GNB1L: variants seen among roughly 807,000 people sequenced by gnomAD.
The protein encoded by GNB1L is G protein subunit beta 1 like, also known as guanine nucleotide-binding protein subunit beta-like protein 1.
Under a neutral mutation model 29.1 loss-of-function variants are expected in GNB1L, and 20 were observed. The observed-to-expected ratio is 0.69, with a 90% CI of 0.48 to 1.00. GNB1L has a LOEUF of 1.00. Among genes scored for constraint, GNB1L ranks in the 50% least tolerant of loss-of-function variants. The pLI is 0.00. For missense variants in GNB1L, 421 were observed against 464.9 expected (o/e 0.91, Z 0.87); for synonymous variants, 193 against 206.5 (o/e 0.93, Z 0.56).
chr22:19,843,074 G>A (rs1220739974), intron 2 of GNB1L, among the ~76,000 whole-genome samples: 2 of 152,164 alleles, frequency 1.3e-5, no homozygotes, highest in Admixed American at 1.3e-4. Flanking sequence ...TTGAAGCCTC[G>A]CTGAGTGATT....
intron 7 of GNB1L, among the ~76,000 whole-genome samples, chr22:19,798,650 A>G (rs1215629670): frequency 1.3e-5 from 2 of 152,048 alleles, no homozygotes; most frequent in African/African-American, 4.8e-5. Context: ...GTGCCTACCC[A>G]CCAGCCAGGC....
intron 2 of GNB1L, among the ~76,000 whole-genome samples, chr22:19,841,769 G>A (rs1290445414): frequency 2.6e-5 from 4 of 152,118 alleles, no homozygotes; most frequent in African/African-American, 4.8e-5. Context: ...GTAGTTATTC[G>A]GTTAAGCAAA....
intron 2 of GNB1L, among the ~76,000 whole-genome samples, chr22:19,833,735 G>A (rs1422233011): frequency 4.6e-5 from 7 of 151,922 alleles, no homozygotes; most frequent in Admixed American, 2.0e-4. Flanking sequence ...GCATGGTGGC[G>A]GGCGCCTGTA....
chr22:19,804,459 A>G (rs1413964061), intron 6 of GNB1L, among the ~76,000 whole-genome samples: 1 of 152,252 alleles, frequency 6.6e-6, no homozygotes, highest in East Asian at 1.9e-4. Flanking sequence ...GGCTTGACGT[A>G]GGTCCTGACC....
At position 19,788,788 on chromosome 22, in the gene GNB1L, G is replaced by A. The variant is rs1467798569; in HGVS notation, c.905C>T (p.Ala302Val). ...AFHSAAVQCV[A>V]FTADGLLAAG... ...GGCCAGCAAGCCATCGGCGGTGAAG[G>A]CCACGCACTGGACAGCGGCGCTGTG... The change falls in exon 8 of 8, where the codon GCC becomes GTC. Residue 302 changes from alanine to valine, a missense_variant. Physicochemically the swap from Ala to Val is moderately conservative, Grantham distance 64. Coordinates refer to ENST00000329517, the MANE Select transcript of GNB1L (RefSeq NM_053004.3). 3 of 1,612,522 alleles carry A rather than the reference G, an allele frequency of 1.9e-6. No individual in the cohort carries two copies. The highest frequency in any genetic ancestry group is 2.5e-6 in the Non-Finnish European group (3 of 1,179,780).
At position 19,791,300 on chromosome 22, in the gene GNB1L, GAAC is replaced by G. The variant is rs141717862; in HGVS notation, c.733-2343_733-2341del. On this transcript the variant is annotated intron_variant, in intron 7 of 7. Coordinates refer to ENST00000329517, the MANE Select transcript of GNB1L (RefSeq NM_053004.3). ...AACTGACATATCATCCATAAAGCAA[GAAC>G]AATAGGAAAGTGTCTATAATTGAGA... 3.7e-3 allele frequency among the ~76,000 whole-genome samples: 558 copies of G among 152,280 alleles called. 2 individuals carry two copies. Among genetic ancestry groups the G allele is most frequent in the African/African-American group, 0.013 (535 of 41,562 alleles).
intron 4 of GNB1L, among the ~76,000 whole-genome samples, chr22:19,814,692 C>G (rs1025657244): frequency 6.6e-6 from 1 of 152,132 alleles, no homozygotes; most frequent in Non-Finnish European, 1.5e-5. Context: ...CAGTCTTAAC[C>G]TGAGAAAATA....
intron 7 of GNB1L, among the ~76,000 whole-genome samples, chr22:19,799,430 G>A (rs1312458346): frequency 6.6e-6 from 1 of 152,220 alleles, no homozygotes; most frequent in African/African-American, 2.4e-5. Flanking sequence ...CGTCACCACC[G>A]CGGCCCCTGG....
At chr22:19,842,380 G>A (rs1937876823) in intron 2 of GNB1L, among the ~76,000 whole-genome samples, 4 of 152,226 alleles carry the variant, frequency 2.6e-5, no homozygotes, top group Admixed American at 2.0e-4. Context: ...GAGATCAGCG[G>A]GGAGTCAGTG....
At chr22:19,844,612 C>A (rs1937921800) in intron 2 of GNB1L, among the ~76,000 whole-genome samples, 1 of 152,236 alleles carries the variant, frequency 6.6e-6, no homozygotes, top group African/African-American at 2.4e-5. Flanking sequence ...GCTGCAGAGG[C>A]AGGCAGGATG....
intron 2 of GNB1L, chr22:19,850,426 C>G: frequency 2.0e-6 from 2 of 993,186 alleles, no homozygotes; most frequent in Non-Finnish European, 2.4e-6. Flanking sequence ...AGCACAGCAG[C>G]AGGGAAGAGG....
chr22:19,812,443 C>A lies in GNB1L; in HGVS notation c.259G>T (p.Gly87Cys), dbSNP rs769674330. ...CACAGGCACAGCTTCAGGTCCCGGC[C>A]CTGACTGCCAGACAAAGAGGAGACA... ...LPQGRQLLSQ[G>C]RDLKLCLWDL... Residue 87 changes from glycine (G) to cysteine (C), a missense_variant, in exon 5 of 8, where the codon GGC becomes TGC. Transcript: ENST00000329517. 2.5e-6 allele frequency: 4 copies of A among 1,611,654 alleles called. No individual in the cohort carries two copies. The highest frequency in any genetic ancestry group is 3.4e-6 in the Non-Finnish European group (4 of 1,178,994).
rs1569042327 is a variant in GNB1L at position 19,806,648 on chromosome 22, C to CG, written c.516+10dup. 4 of 1,580,660 alleles carry CG rather than the reference C, an allele frequency of 2.5e-6. No individual in the cohort carries two copies. The highest frequency in any genetic ancestry group is 2.7e-5 in the African/African-American group (2 of 74,294). ...GCCGGCAGGGCGTGGCTGGTGCACGCGGGGCCTTACCTGCCACAGCCGCAG... is the reference window on the plus strand; with the variant it reads ...GCCGGCAGGGCGTGGCTGGTGCACGCGGGGGCCTTACCTGCCACAGCCGCAG... On this transcript the variant is annotated intron_variant, in intron 6 of 7. Transcript: ENST00000329517.
In GNB1L at chr22:19,808,381, A is replaced by T. The variant is rs140403876; in HGVS notation, c.418-1624T>A. 3.8e-3 allele frequency among the ~76,000 whole-genome samples: 574 copies of T among 152,330 alleles called. 4 individuals carry two copies. The highest frequency in any genetic ancestry group is 0.013 in the African/African-American group (559 of 41,570). On this transcript the variant is annotated intron_variant, in intron 5 of 7. Coordinates refer to ENST00000329517, the MANE Select transcript of GNB1L (RefSeq NM_053004.3). Reference sequence around the variant, plus strand: ...CAACATAATGAAGAGGGCAAAAAAGAACTCAGTAATGGGAGAGGTGATTAC... The same window carrying T: ...CAACATAATGAAGAGGGCAAAAAAGTACTCAGTAATGGGAGAGGTGATTAC...
intron 2 of GNB1L, among the ~76,000 whole-genome samples, chr22:19,823,263 A>G (rs1261923030): frequency 3.3e-5 from 5 of 152,206 alleles, no homozygotes; most frequent in African/African-American, 1.2e-4. Context: ...CCAACTGATC[A>G]TGCCCAAACT....
chr22:19,852,144 T>A, intron 2 of GNB1L: 3 of 1,613,834 alleles, frequency 1.9e-6, no homozygotes, highest in South Asian at 1.1e-5. Flanking sequence ...ACAAGGGGGG[T>A]GTATGCCACC....
chr22:19,799,961 C>T (rs1328630325), intron 7 of GNB1L, among the ~76,000 whole-genome samples: 1 of 152,206 alleles, frequency 6.6e-6, no homozygotes, highest in African/African-American at 2.4e-5. Context: ...TCGCCTGTCC[C>T]CTCCCAGGCC....
intron 7 of GNB1L, among the ~76,000 whole-genome samples, 167 bp downstream of exon 7, chr22:19,801,833 GC>G (rs1260323498): frequency 1.3e-5 from 2 of 152,114 alleles, no homozygotes; most frequent in African/African-American, 4.8e-5. Flanking sequence ...CAGCGCCCAC[GC>G]CCCCTTCTTC....
At chr22:19,839,869 C>G (rs1243569830) in intron 2 of GNB1L, among the ~76,000 whole-genome samples, 1 of 150,970 alleles carries the variant, frequency 6.6e-6, no homozygotes, top group Non-Finnish European at 1.5e-5. Context: ...AACAGAGACT[C>G]CGTCTCAATA....
Sources: allele counts gnomAD v4.1 joint callset (sites outside exome capture counted in the v4.1 genomes callset), GRCh38; gene constraint gnomAD v4.1.1; transcripts MANE v1.5; gene names NCBI Gene and HGNC (gene_info 2026-07-23, HGNC 2026-07-21).